Variants in KIAA1217 observed in about 807,000 individuals in gnomAD.
KIAA1217 encodes sickle tail protein homolog.
A neutral mutation model predicts 163.9 loss-of-function variants in KIAA1217; 88 were observed. The observed-to-expected ratio is 0.54, with a 90% CI of 0.45 to 0.64. The LOEUF is 0.64. Among genes scored for constraint, KIAA1217 ranks in the 30% least tolerant of loss-of-function variants. The probability of loss-of-function intolerance (pLI) is 0.00; values close to 1 mark genes in which losing one functional copy is unlikely to be tolerated. For missense variants in KIAA1217, 2,372 were observed against 2,475.0 expected (o/e 0.96, Z 0.88); for synonymous variants, 903 against 923.1 (o/e 0.98, Z 0.39).
chr10:24,074,271 C>T (rs560110748), intron 2 of KIAA1217, among the ~76,000 whole-genome samples: 9 of 152,220 alleles, frequency 5.9e-5, no homozygotes, highest in African/African-American at 1.9e-4. Flanking sequence ...ATTGCTTGAA[C>T]CCGGGAGGTG....
intron 1 of KIAA1217, among the ~76,000 whole-genome samples, chr10:23,836,309 A>G (rs1490780543): frequency 2.0e-5 from 3 of 151,980 alleles, no homozygotes; most frequent in Non-Finnish European, 2.9e-5. Context: ...GTTTATATGG[A>G]TTTTATGTCT....
intron 1 of KIAA1217, among the ~76,000 whole-genome samples, chr10:23,781,726 C>A: frequency 6.6e-6 from 1 of 152,122 alleles, no homozygotes; most frequent in Middle Eastern, 3.2e-3. Context: ...TTCTTTGATT[C>A]ATTTTGAGTT....
intron 1 of KIAA1217, among the ~76,000 whole-genome samples, chr10:23,720,130 G>A (rs1319341489): frequency 2.0e-5 from 3 of 151,840 alleles, no homozygotes; most frequent in Middle Eastern, 3.4e-3. Context: ...AGTTGTGAAT[G>A]TACTAAATGC....
intron 1 of KIAA1217, among the ~76,000 whole-genome samples, chr10:23,975,964 A>C (rs1845522111): frequency 6.6e-6 from 1 of 152,082 alleles, no homozygotes; most frequent in African/African-American, 2.4e-5. Context: ...GGAGCTCACT[A>C]GTCTATGTAG....
In KIAA1217 at chr10:23,990,567, G is replaced by A. The variant is rs117595836; in HGVS notation, c.-320-16658G>A. 5.8e-3 allele frequency among the ~76,000 whole-genome samples: 889 copies of A among 152,190 alleles called. 4 individuals carry two copies. The highest frequency in any genetic ancestry group is 0.021 in the South Asian group (99 of 4,804). Reference sequence around the variant, plus strand: ...CTAATGATTAGTCATATCTTTGGGTGCTGGGAGAGAAAAAGATTTTCTAAA... The same window carrying A: ...CTAATGATTAGTCATATCTTTGGGTACTGGGAGAGAAAAAGATTTTCTAAA... On this transcript the variant is annotated intron_variant, in intron 1 of 18. Transcript: ENST00000376462.
intron 6 of KIAA1217, among the ~76,000 whole-genome samples, chr10:24,487,574 G>T (rs2065573690): frequency 6.6e-6 from 1 of 152,238 alleles, no homozygotes; most frequent in African/African-American, 2.4e-5. Flanking sequence ...CAACACCTCA[G>T]TGAATTTATG....
chr10:24,127,258 CTT>C (rs1478978412), intron 2 of KIAA1217, among the ~76,000 whole-genome samples: 1 of 151,870 alleles, frequency 6.6e-6, no homozygotes, highest in Non-Finnish European at 1.5e-5. Context: ...ATTTGTGTTC[CTT>C]TGGACTTTTA....
chr10:24,317,293 A>G (rs1205552850), intron 2 of KIAA1217, among the ~76,000 whole-genome samples: 2 of 151,918 alleles, frequency 1.3e-5, no homozygotes, highest in East Asian at 3.9e-4. Flanking sequence ...TTATTTATTT[A>G]TTTATTTTTC....
chr10:24,116,106 CTT>C (rs989922185), intron 2 of KIAA1217, among the ~76,000 whole-genome samples: 2 of 152,268 alleles, frequency 1.3e-5, no homozygotes, highest in African/African-American at 4.8e-5. Context: ...CTGCAACACT[CTT>C]ACATCACCTG....
chr10:24,082,731 G>A (rs1352545434), intron 2 of KIAA1217, among the ~76,000 whole-genome samples: 1 of 152,150 alleles, frequency 6.6e-6, no homozygotes, highest in Non-Finnish European at 1.5e-5. Context: ...TTTATAATAA[G>A]ATGATTTATA....
At chr10:24,280,097 T>A (rs1238402254) in intron 2 of KIAA1217, among the ~76,000 whole-genome samples, 1 of 152,232 alleles carries the variant, frequency 6.6e-6, no homozygotes, top group East Asian at 1.9e-4. Context: ...TCTTCCTTTA[T>A]CCTTAATCAT....
At chr10:24,371,801 A>C (rs1253268672) in intron 2 of KIAA1217, among the ~76,000 whole-genome samples, 1 of 152,240 alleles carries the variant, frequency 6.6e-6, no homozygotes, top group Non-Finnish European at 1.5e-5. Context: ...TGGATTCTAA[A>C]TGTTTTATGG....
intron 2 of KIAA1217, among the ~76,000 whole-genome samples, chr10:24,325,140 T>G (rs1370133319): frequency 6.6e-6 from 1 of 152,108 alleles, no homozygotes; most frequent in African/African-American, 2.4e-5. Context: ...ACACAAAAAC[T>G]CGGGTTTCTG....
At chr10:24,269,149 T>C (rs1025203729) in intron 2 of KIAA1217, among the ~76,000 whole-genome samples, 11 of 142,586 alleles carry the variant, frequency 7.7e-5, no homozygotes, top group African/African-American at 2.9e-4. Context: ...GCATGGCACA[T>C]GTATACATAT....
chr10:24,425,265 C>T (rs77099031), intron 3 of KIAA1217, among the ~76,000 whole-genome samples: 2,957 of 152,222 alleles, frequency 0.019, 93 homozygotes, highest in African/African-American at 0.068. Flanking sequence ...GTGAACTTAC[C>T]ACCCTTCACA....
At chr10:23,860,626 G>A (rs1422797190) in intron 1 of KIAA1217, among the ~76,000 whole-genome samples, 1 of 151,946 alleles carries the variant, frequency 6.6e-6, no homozygotes, top group Non-Finnish European at 1.5e-5. Context: ...TTTTAAAAAA[G>A]CAAATACATT....
intron 2 of KIAA1217, among the ~76,000 whole-genome samples, chr10:24,186,785 G>C (rs896273855): frequency 3.3e-5 from 5 of 152,146 alleles, no homozygotes; most frequent in Non-Finnish European, 7.4e-5. Flanking sequence ...AGCTATCATG[G>C]AGGCTGAAGC....
chr10:24,521,976 C>T, intron 12 of KIAA1217, 47 bp downstream of exon 12: 1 of 1,579,242 alleles, frequency 6.3e-7, no homozygotes, highest in Non-Finnish European at 8.6e-7. Context: ...GAGGGGTGCA[C>T]TGGGAAACCG....
chr10:23,848,524 T>G (rs990258082), intron 1 of KIAA1217, among the ~76,000 whole-genome samples: 1 of 152,044 alleles, frequency 6.6e-6, no homozygotes, highest in Non-Finnish European at 1.5e-5. Flanking sequence ...AAAATTGGTA[T>G]GTCTAAAACT....
Sources: allele counts gnomAD v4.1 joint callset (sites outside exome capture counted in the v4.1 genomes callset), GRCh38; gene constraint gnomAD v4.1.1; transcripts MANE v1.5; gene names NCBI Gene and HGNC (gene_info 2026-07-23, HGNC 2026-07-21).